The following DAB1 variants were observed in gnomAD, a reference collection of about 807,000 sequenced individuals.
DAB1 encodes disabled homolog 1.
A neutral mutation model predicts 64.6 loss-of-function variants in DAB1; 15 were observed. The observed-to-expected ratio is 0.23, with a 90% CI of 0.16 to 0.36. The LOEUF is 0.36. Ranked by LOEUF, DAB1 falls within the 10% of genes least tolerant of loss-of-function variation. The pLI is 1.00. For missense variants in DAB1, 596 were observed against 706.7 expected (o/e 0.84, Z 1.78); for synonymous variants, 235 against 251.9 (o/e 0.93, Z 0.64).
chr1:57,428,938 G>C (rs1428781828), upstream of DAB1, among the ~76,000 whole-genome samples: 2 of 149,138 alleles, frequency 1.3e-5, no homozygotes, highest in Non-Finnish European at 3.0e-5. Flanking sequence ...TTTGAGACAG[G>C]GTCTCACTCT....
intron 5 of DAB1, among the ~76,000 whole-genome samples, chr1:58,005,445 A>G (rs547585092): frequency 2.6e-5 from 4 of 152,230 alleles, no homozygotes; most frequent in Admixed American, 2.0e-4. Context: ...GAGCCTCACA[A>G]GTGTGTGGCC....
At chr1:57,375,930 C>A (rs35349270) in intron 1 of DAB1, among the ~76,000 whole-genome samples, 1 of 152,252 alleles carries the variant, frequency 6.6e-6, no homozygotes, top group East Asian at 1.9e-4. Flanking sequence ...AAAGATGAAT[C>A]GAGCATGGTT....
chr1:57,791,899 C>A (rs1650618617), intron 6 of DAB1, among the ~76,000 whole-genome samples: 1 of 152,214 alleles, frequency 6.6e-6, no homozygotes, highest in East Asian at 1.9e-4. Flanking sequence ...TTCTTCTTGT[C>A]TGGATTCACC....
chr1:58,135,674 G>A (rs1387549993), intron 5 of DAB1, among the ~76,000 whole-genome samples: 1 of 152,112 alleles, frequency 6.6e-6, no homozygotes, highest in Admixed American at 6.5e-5. Flanking sequence ...TTGCTTTATA[G>A]AGCATCAAAT....
At chr1:57,172,306 CA>C (rs1444845821) in intron 2 of DAB1, among the ~76,000 whole-genome samples, 2 of 152,250 alleles carry the variant, frequency 1.3e-5, no homozygotes, top group South Asian at 4.2e-4. Context: ...TGGGGGGTAG[CA>C]CAATGCAACC....
chr1:57,743,187 A>G (rs1181162112), intron 6 of DAB1, among the ~76,000 whole-genome samples: 1 of 152,158 alleles, frequency 6.6e-6, no homozygotes, highest in Admixed American at 6.5e-5. Flanking sequence ...TTGCACGTAT[A>G]CATCCAGATG....
intron 3 of DAB1, among the ~76,000 whole-genome samples, chr1:58,454,860 A>AT (rs1168674712): frequency 2.0e-5 from 3 of 151,994 alleles, no homozygotes; most frequent in Admixed American, 6.6e-5. Flanking sequence ...TTGAATATTT[A>AT]TTTTTTCTGT....
chr1:58,049,204 G>A (rs1304048821), intron 5 of DAB1: 2 of 768,902 alleles, frequency 2.6e-6, no homozygotes, highest in Admixed American at 3.4e-5. Flanking sequence ...TGGCTTCTCA[G>A]GTTCTCATCA....
At chr1:57,119,203 C>T (rs1656418350) in intron 4 of DAB1, among the ~76,000 whole-genome samples, 1 of 152,178 alleles carries the variant, frequency 6.6e-6, no homozygotes, top group African/African-American at 2.4e-5. Context: ...CTTGCTTAAT[C>T]TAAACAATGC....
chr1:58,353,409 G>A lies in DAB1; in HGVS notation n.258-10006C>T, dbSNP rs2100517383. ...TCCCTTAGGCCTTCTGATATATTAAGAATAACTAAAGAAGCTGACTGCTAC... is the reference window on the plus strand; with the variant it reads ...TCCCTTAGGCCTTCTGATATATTAAAAATAACTAAAGAAGCTGACTGCTAC... On this transcript the variant is annotated intron_variant and non_coding_transcript_variant, in intron 3 of 20. Coordinates refer to the DAB1 transcript ENST00000485760. 1.3e-5 allele frequency among the ~76,000 whole-genome samples: 2 copies of A among 152,232 alleles called. 1 individual carries two copies. Among genetic ancestry groups the A allele is most frequent in the Middle Eastern group, 6.8e-3 (2 of 294 alleles).
In DAB1 at chr1:57,448,769, GACACACACAC is replaced by G. The variant is rs59445697; in HGVS notation, n.626-157613_626-157604del. On this transcript the variant is annotated intron_variant and non_coding_transcript_variant, in intron 7 of 20. Coordinates refer to the DAB1 transcript ENST00000485760. ...AGCAAGTGTAGCAAATAGCAATTCTGACACACACACACACACACACACACACAGATGCACA... is the reference window on the plus strand; with the variant it reads ...AGCAAGTGTAGCAAATAGCAATTCTGACACACACACACACACAGATGCACA... Among the ~76,000 whole-genome samples the G allele has an allele frequency of 2.7e-5, 4 of 150,392 alleles. No homozygotes were observed. In the East Asian group the frequency reaches 5.9e-4, roughly 22 times the overall value.
intron 3 of DAB1, among the ~76,000 whole-genome samples, chr1:58,379,478 T>C (rs1384435817): frequency 2.0e-5 from 3 of 152,246 alleles, no homozygotes; most frequent in African/African-American, 7.2e-5. Context: ...CTGGAAACTC[T>C]AATTAGCTAA....
chr1:57,659,027 C>T (rs1646352554), intron 6 of DAB1, among the ~76,000 whole-genome samples: 1 of 152,170 alleles, frequency 6.6e-6, no homozygotes, highest in Admixed American at 6.5e-5. Flanking sequence ...ATATGAAACA[C>T]CCTGTCTGTG....
At chr1:57,301,491 G>C (rs990130549) in intron 1 of DAB1, among the ~76,000 whole-genome samples, 2 of 152,172 alleles carry the variant, frequency 1.3e-5, no homozygotes, top group Non-Finnish European at 2.9e-5. Context: ...CCTCCACAGA[G>C]TGTTTGAGTA....
At chr1:58,377,968 G>T (rs1414236831) in intron 3 of DAB1, among the ~76,000 whole-genome samples, 1 of 140,544 alleles carries the variant, frequency 7.1e-6, no homozygotes, top group Non-Finnish European at 1.6e-5. Flanking sequence ...CCAGTTGATC[G>T]CATCGGCTCC....
intron 6 of DAB1, among the ~76,000 whole-genome samples, chr1:57,669,807 A>G (rs191018573): frequency 1.6e-3 from 247 of 152,302 alleles, no homozygotes; most frequent in Non-Finnish European, 2.8e-3. Context: ...ATAACATGAC[A>G]TGGAAATATA....
chr1:58,328,232 T>C (rs1662882335), intron 4 of DAB1, among the ~76,000 whole-genome samples: 2 of 152,240 alleles, frequency 1.3e-5, no homozygotes, highest in South Asian at 4.1e-4. Flanking sequence ...CGTGATCTGC[T>C]TCTGGAGAAC....
intron 6 of DAB1, among the ~76,000 whole-genome samples, chr1:57,707,286 T>A (rs1646979315): frequency 6.6e-6 from 1 of 151,462 alleles, no homozygotes; most frequent in Non-Finnish European, 1.5e-5. Context: ...AGGTATTAGA[T>A]TTTTTTTTAT....
intron 7 of DAB1, among the ~76,000 whole-genome samples, chr1:57,517,955 T>C (rs1570590279): frequency 6.6e-6 from 1 of 152,180 alleles, no homozygotes; most frequent in Non-Finnish European, 1.5e-5. Context: ...CTCTCTCTAG[T>C]AGCACCCAGC....
Sources: gnomAD v4.1 joint callset for allele counts (sites outside exome capture counted in the v4.1 genomes callset) on GRCh38, gnomAD v4.1.1 for gene constraint, MANE v1.5 for transcripts, NCBI Gene and HGNC (gene_info 2026-07-23, HGNC 2026-07-21) for gene names.